MAGI3: variants seen among roughly 807,000 people sequenced by gnomAD.
MAGI3 encodes the protein membrane associated guanylate kinase, WW and PDZ domain containing 3.
Under a neutral mutation model 121.8 loss-of-function variants are expected in MAGI3, and 43 were observed. The observed-to-expected ratio is 0.35, with a 90% CI of 0.28 to 0.46. The LOEUF is 0.46. MAGI3 is among the 20% of genes least tolerant of loss of function. The probability of loss-of-function intolerance (pLI) is 1.00; values close to 1 mark genes in which losing one functional copy is unlikely to be tolerated. For synonymous variants in MAGI3, 553 were observed against 639.3 expected, an observed-to-expected ratio of 0.86 and a Z score of 2.04; for missense variants, 1,547 against 1,797.3, an observed-to-expected ratio of 0.86 and a Z score of 2.52.
intron 1 of MAGI3, among the ~76,000 whole-genome samples, chr1:113,531,037 T>C (rs1658695046): frequency 6.6e-6 from 1 of 152,222 alleles, no homozygotes; most frequent in South Asian, 2.1e-4. Context: ...ACATAAACTG[T>C]ACTCAAAGGA....
At position 113,683,358 on chromosome 1, in the gene MAGI3, A is replaced by T. The variant is rs1272008043; in HGVS notation, c.3790A>T (p.Lys1264Ter). 1 of 1,613,918 alleles carries T rather than the reference A, an allele frequency of 6.2e-7. No homozygotes were observed. Among genetic ancestry groups the T allele is most frequent in the African/African-American group, 1.3e-5 (1 of 74,940 alleles). The change falls in exon 21 of 21, where the codon AAA becomes TAA. Residue 1264 changes from lysine (K) to a stop codon, truncating the protein, a stop_gained. Coordinates refer to ENST00000307546, the MANE Select transcript of MAGI3 (RefSeq NM_001142782.2). LOFTEE classifies it low-confidence loss of function (END_TRUNC). ...CCTCAGCCCCAGCAAAGGGGAAAATAAAAGTTGTCAGGTCAGCACCAGGGC... is the reference window on the plus strand; with the variant it reads ...CCTCAGCCCCAGCAAAGGGGAAAATTAAAGTTGTCAGGTCAGCACCAGGGC... ...QSLSPSKGEN[K>*]SCQVSTRAGS...
chr1:113,526,932 G>A (rs1465661977), intron 1 of MAGI3, among the ~76,000 whole-genome samples: 1 of 152,112 alleles, frequency 6.6e-6, no homozygotes, highest in African/African-American at 2.4e-5. Flanking sequence ...TAGTAGCTTT[G>A]TAAATTTGGG....
intron 9 of MAGI3, among the ~76,000 whole-genome samples, chr1:113,634,858 C>T (rs1431047110): frequency 6.6e-6 from 1 of 152,030 alleles, no homozygotes; most frequent in African/African-American, 2.4e-5. Flanking sequence ...ATTCTTCCTA[C>T]CCATGAGCAT....
At position 113,438,396 on chromosome 1, in the gene MAGI3, C is replaced by G. The variant is rs1030846169; in HGVS notation, c.316+47047C>G. 2.0e-5 allele frequency among the ~76,000 whole-genome samples: 3 copies of G among 152,154 alleles called. 1 individual carries two copies. The highest frequency in any genetic ancestry group is 4.4e-5 in the Non-Finnish European group (3 of 68,034). On this transcript the variant is annotated intron_variant, in intron 1 of 20. Transcript: ENST00000307546. ...ACATCTTCTACCCATAAATTTAATG[C>G]CTTTTCCATCTTAACTAAGCACTTA...
chr1:113,509,433 T>A (rs978798106), intron 1 of MAGI3, among the ~76,000 whole-genome samples: 3 of 146,756 alleles, frequency 2.0e-5, no homozygotes, highest in Non-Finnish European at 4.5e-5. Context: ...TGGCAAAAAT[T>A]AGTTAACCAA....
intron 3 of MAGI3, among the ~76,000 whole-genome samples, chr1:113,584,593 C>T (rs571484768): frequency 3.9e-5 from 6 of 152,160 alleles, no homozygotes; most frequent in Non-Finnish European, 7.3e-5. Flanking sequence ...CTTAGCTTAA[C>T]CTTTACCTAC....
intron 1 of MAGI3, among the ~76,000 whole-genome samples, chr1:113,416,078 G>C (rs376052860): frequency 0.1 from 12,276 of 122,478 alleles, 1,514 homozygotes; most frequent in East Asian, 0.59. Flanking sequence ...TGTAATTAAT[G>C]ACACATATTA....
chr1:113,603,099 A>T (rs1192357744), intron 6 of MAGI3, among the ~76,000 whole-genome samples: 1 of 152,050 alleles, frequency 6.6e-6, no homozygotes, highest in African/African-American at 2.4e-5. Flanking sequence ...AATAAGCCCA[A>T]TTCGAAATGA....
At chr1:113,623,493 TA>T (rs1421482359) in intron 9 of MAGI3, among the ~76,000 whole-genome samples, 40 of 37,358 alleles carry the variant, frequency 1.1e-3, no homozygotes, top group African/African-American at 4.9e-3. Context: ...CACACATATA[TA>T]TATTTTTTTT....
chr1:113,598,968 G>A (rs1424615563), intron 6 of MAGI3, among the ~76,000 whole-genome samples: 2 of 152,068 alleles, frequency 1.3e-5, no homozygotes, highest in African/African-American at 4.8e-5. Context: ...AATCTTTTGT[G>A]GGCATTTAGT....
chr1:113,488,102 C>A (rs971558784), intron 1 of MAGI3, among the ~76,000 whole-genome samples: 1 of 151,970 alleles, frequency 6.6e-6, no homozygotes, highest in African/African-American at 2.4e-5. Context: ...CTTTTTTTTA[C>A]TACTATTTTA....
chr1:113,435,276 A>G (rs1181544723), intron 1 of MAGI3, among the ~76,000 whole-genome samples: 1 of 152,166 alleles, frequency 6.6e-6, no homozygotes, highest in Non-Finnish European at 1.5e-5. Context: ...TTTCTATTTC[A>G]TAGAATTTCA....
In MAGI3 at chr1:113,651,222, C is replaced by G. The variant is rs1653145463; in HGVS notation, c.2440+16C>G. 6.3e-7 allele frequency: 1 copy of G among 1,584,840 alleles called. No individual in the cohort carries two copies. Among genetic ancestry groups the G allele is most frequent in the African/African-American group, 1.4e-5 (1 of 73,264 alleles). On this transcript the variant is annotated intron_variant, in intron 14 of 20. Coordinates refer to ENST00000307546, the MANE Select transcript of MAGI3 (RefSeq NM_001142782.2). ...TTCTATGGAGGTGTGTGAACTTGTTCCTGCTCTGAAAAGTTAAAAAAGAAA... is the reference window on the plus strand; with the variant it reads ...TTCTATGGAGGTGTGTGAACTTGTTGCTGCTCTGAAAAGTTAAAAAAGAAA...
At chr1:113,603,866 AG>A (rs1461605800) in intron 6 of MAGI3, among the ~76,000 whole-genome samples, 1 of 152,240 alleles carries the variant, frequency 6.6e-6, no homozygotes, top group Non-Finnish European at 1.5e-5. Flanking sequence ...TCTCAAAAGA[AG>A]ATACACAAAT....
At chr1:113,415,323 A>G (rs1455211548) in intron 1 of MAGI3, among the ~76,000 whole-genome samples, 2 of 152,134 alleles carry the variant, frequency 1.3e-5, no homozygotes, top group African/African-American at 4.8e-5. Flanking sequence ...TAAAACTGGC[A>G]GAAATTACTC....
At chr1:113,574,229 T>A (rs554328251) in intron 2 of MAGI3, among the ~76,000 whole-genome samples, 3 of 152,220 alleles carry the variant, frequency 2.0e-5, no homozygotes, top group Non-Finnish European at 4.4e-5. Context: ...AATTATATCC[T>A]GTCATCATGA....
At position 113,641,079 on chromosome 1, in the gene MAGI3, ATG is replaced by A. The variant is rs1236148054; in HGVS notation, c.1361-831_1361-830del. Among the ~76,000 whole-genome samples the A allele has an allele frequency of 7.7e-5, 7 of 90,862 alleles. No individual in the cohort carries two copies. In the East Asian group the frequency reaches 1.2e-3, roughly 16 times the overall value. The allele number at this position is 90,862 out of a possible 152,430, so 59.6% of individuals were successfully genotyped here. A position where few individuals can be genotyped will look rare whatever the true frequency, so the allele number is the denominator to read the frequency against. On this transcript the variant is annotated intron_variant, in intron 9 of 20. Coordinates refer to ENST00000307546, the MANE Select transcript of MAGI3 (RefSeq NM_001142782.2). ...ATTATATATGATATATATAATATAT[ATG>A]AGATATATATTATATATATGATATA...
At chr1:113,605,797 A>C (rs1209683744) in intron 6 of MAGI3, among the ~76,000 whole-genome samples, 1 of 151,888 alleles carries the variant, frequency 6.6e-6, no homozygotes, top group Non-Finnish European at 1.5e-5. Context: ...ACGGGGTTTC[A>C]CCGTATTGGC....
At chr1:113,469,042 A>G (rs1223548514) in intron 1 of MAGI3, among the ~76,000 whole-genome samples, 3 of 152,178 alleles carry the variant, frequency 2.0e-5, no homozygotes, top group Non-Finnish European at 2.9e-5. Context: ...TGATAGATAC[A>G]TACATAAACA....
Sources: gnomAD v4.1 joint callset for allele counts (sites outside exome capture counted in the v4.1 genomes callset) on GRCh38, gnomAD v4.1.1 for gene constraint, MANE v1.5 for transcripts, NCBI Gene and HGNC (gene_info 2026-07-23, HGNC 2026-07-21) for gene names.